The following MDM4 variants were observed in gnomAD, a reference collection of about 807,000 sequenced individuals.
The protein encoded by MDM4 is MDM4 regulator of p53, also known as protein Mdm4.
MDM4 carries 2 observed loss-of-function variants against 60.2 expected under a neutral mutation model. The ratio of observed to expected loss-of-function variants is 0.03; its 90% confidence interval spans 0.01 to 0.10. MDM4 has a LOEUF of 0.10. Ranked by LOEUF, MDM4 falls within the 10% of genes least tolerant of loss-of-function variation. The probability of loss-of-function intolerance (pLI) is 1.00; values close to 1 mark genes in which losing one functional copy is unlikely to be tolerated. For missense variants in MDM4, 447 were observed against 577.5 expected (o/e 0.77, Z 2.32); for synonymous variants, 202 against 198.1 (o/e 1.02, Z -0.17).
intron 1 of MDM4, among the ~76,000 whole-genome samples, chr1:204,524,753 G>C (rs993977416): frequency 2.6e-5 from 4 of 152,382 alleles, no homozygotes; most frequent in African/African-American, 9.6e-5. Context: ...CTTCAGCCTG[G>C]GGGACAGCGA....
At chr1:204,530,549 C>T in intron 3 of MDM4, 135 bp from the exon 4 acceptor site, 3 of 1,152,510 alleles carry the variant, frequency 2.6e-6, no homozygotes, top group Non-Finnish European at 1.2e-6. Flanking sequence ...TGTAGGACCC[C>T]TTACACAAAC....
At chr1:204,544,369 G>A (rs1031687067) in intron 8 of MDM4, among the ~76,000 whole-genome samples, 166 bp from the exon 9 acceptor site, 7 of 152,186 alleles carry the variant, frequency 4.6e-5, no homozygotes, top group African/African-American at 1.4e-4. Context: ...TCCACAGTAG[G>A]TGTCAAGTAG....
At chr1:204,543,977 A>G (rs1214987912) in intron 8 of MDM4, among the ~76,000 whole-genome samples, 1 of 152,234 alleles carries the variant, frequency 6.6e-6, no homozygotes, top group Non-Finnish European at 1.5e-5. Flanking sequence ...ATAGTGTGCA[A>G]AATAATAAAT....
At position 204,549,251 on chromosome 1, in the gene MDM4, G is replaced by A. The variant is rs1256184414; in HGVS notation, c.1042G>A (p.Ala348Thr). 3.1e-6 allele frequency: 5 copies of A among 1,614,016 alleles called. No homozygotes were observed. Among genetic ancestry groups the A allele is most frequent in the East Asian group, 2.2e-5 (1 of 44,896 alleles). Reference protein sequence around the residue: ...THSLSTSDITAIPEKENEGND... With the variant: ...THSLSTSDITTIPEKENEGND... ...TTCTCTCTCCACGTCTGATATCACT[G>A]CCATACCTGAAAAGGAAAATGAAGG... The change falls in exon 11 of 11, where the codon GCC becomes ACC. Residue 348 changes from alanine (A) to threonine (T), a missense_variant. This residue lies in a region of MDM4 where 117 missense variants were observed against 114.5 expected (regional missense o/e 1.02). Transcript: ENST00000367182.
rs529933347 is a variant in MDM4, at chr1:204,528,916, CCTT to C, written c.154-1765_154-1763del. Reference sequence around the variant, plus strand: ...CGAATGTTGCCTTGTACAGCTGTGTCCTTCTCCCGGAAGGCCTCTGTCGGCATC... The same window carrying C: ...CGAATGTTGCCTTGTACAGCTGTGTCCTCCCGGAAGGCCTCTGTCGGCATC... On this transcript the variant is annotated intron_variant, in intron 3 of 10. Coordinates refer to ENST00000367182, the MANE Select transcript of MDM4 (RefSeq NM_002393.5). 7.4e-3 allele frequency: 11,776 copies of C among 1,593,066 alleles called. 64 individuals are homozygous for C. Among genetic ancestry groups the C allele is most frequent in the Non-Finnish European group, 8.5e-3 (9,839 of 1,163,828 alleles).
chr1:204,530,864 G>A, intron 4 of MDM4, 47 bp downstream of exon 4: 2 of 1,611,964 alleles, frequency 1.2e-6, no homozygotes, highest in Non-Finnish European at 1.7e-6. Context: ...CTTATACCTA[G>A]CCACTTAATT....
intron 3 of MDM4, chr1:204,529,277 G>GCTTCACCTC: frequency 1.3e-6 from 1 of 741,070 alleles, no homozygotes; most frequent in East Asian, 2.5e-5. Context: ...ACCAGAGCCT[G>GCTTCACCTC]CTTCACCTCC....
chr1:204,535,992 T>G (rs1420240240), intron 5 of MDM4, among the ~76,000 whole-genome samples: 1 of 152,122 alleles, frequency 6.6e-6, no homozygotes, highest in East Asian at 1.9e-4. Flanking sequence ...GCCTGTGCGG[T>G]GGCTCATGCC....
At chr1:204,521,532 T>C (rs1659566530) in intron 1 of MDM4, among the ~76,000 whole-genome samples, 1 of 152,174 alleles carries the variant, frequency 6.6e-6, no homozygotes, top group Admixed American at 6.6e-5. Flanking sequence ...GCTGGGCAAC[T>C]GCACCTCCCT....
chr1:204,536,404 AT>A (rs1025479670), intron 5 of MDM4, among the ~76,000 whole-genome samples: 3 of 152,190 alleles, frequency 2.0e-5, no homozygotes, highest in Non-Finnish European at 2.9e-5. Flanking sequence ...TATAATTAGA[AT>A]TTTGAAAATG....
In MDM4 at chr1:204,549,542, C is replaced by A; in HGVS notation, c.1333C>A (p.Arg445=). Residue 445 remains arginine, a synonymous_variant, in exon 11 of 11, where the codon CGA becomes AGA. Coordinates refer to ENST00000367182, the MANE Select transcript of MDM4 (RefSeq NM_002393.5). The part of the protein sequence containing the change: ...KPCSLCEKRP[R]DGNIIHGRTG... The stretch of plus-strand genomic sequence containing the variant: ...ATGTAGCTTATGTGAGAAAAGACCA[C>A]GAGACGGGAACATTATTCATGGAAG... 6.2e-7 allele frequency: 1 copy of A among 1,613,584 alleles called. No homozygotes were observed. Among genetic ancestry groups the A allele is most frequent in the South Asian group, 1.1e-5 (1 of 90,942 alleles).
chr1:204,528,725 A>T (rs1362858121), intron 3 of MDM4: 1 of 674,464 alleles, frequency 1.5e-6, no homozygotes. Flanking sequence ...TGTTGCATCA[A>T]GCAAGGGAGA....
At chr1:204,530,839 G>T in intron 4 of MDM4, 22 bp downstream of exon 4, 1 of 1,614,072 alleles carries the variant, frequency 6.2e-7, no homozygotes, top group Non-Finnish European at 8.5e-7. Flanking sequence ...GAGGGCTTGC[G>T]TATCTTTTTG....
At chr1:204,547,189 C>G (rs988797154) in intron 10 of MDM4, among the ~76,000 whole-genome samples, 1 of 152,212 alleles carries the variant, frequency 6.6e-6, no homozygotes, top group African/African-American at 2.4e-5. Flanking sequence ...GCACTGCTTT[C>G]CCTGACTCAA....
intron 3 of MDM4, among the ~76,000 whole-genome samples, chr1:204,526,743 A>G (rs756945496): frequency 2.6e-5 from 4 of 152,132 alleles, no homozygotes; most frequent in Admixed American, 6.6e-5. Context: ...GATTACAGGC[A>G]TGAGCCACCG....
In MDM4 at chr1:204,526,451, A is replaced by C; in HGVS notation, c.153+17A>C. 1 of 1,571,084 alleles carries C rather than the reference A, an allele frequency of 6.4e-7. No individual in the cohort carries two copies. Among genetic ancestry groups the C allele is most frequent in the South Asian group, 1.2e-5 (1 of 84,706 alleles). Reference sequence around the variant, plus strand: ...GTTAAAGAGGTAAGCCATCAAATAAAATTCTCATTTTTTTTGTTTTTTTTT... The same window carrying C: ...GTTAAAGAGGTAAGCCATCAAATAACATTCTCATTTTTTTTGTTTTTTTTT... On this transcript the variant is annotated intron_variant, in intron 3 of 10. Coordinates refer to ENST00000367182, the MANE Select transcript of MDM4 (RefSeq NM_002393.5).
At position 204,556,004 on chromosome 1, in the gene MDM4, A is replaced by G. The variant is rs72753810; in HGVS notation, c.*6322A>G. The G allele has an allele frequency of 0.022, 4,796 of 213,538 alleles. 81 individuals are homozygous for G. Among genetic ancestry groups the G allele is most frequent in the Middle Eastern group, 0.036 (24 of 668 alleles). The allele number at this position is 213,538 out of a possible 1,614,324, so 13.2% of individuals were successfully genotyped here. ...CAGATAGTCCCCTGTCAACAGTAGC[A>G]AATGTGGTTTCATAAAGTGGGAAGA... On this transcript the variant is annotated 3_prime_UTR_variant, in exon 11 of 11. Transcript: ENST00000367182.
At chr1:204,536,988 A>G in intron 5 of MDM4, 1 of 364,308 alleles carries the variant, frequency 2.7e-6, no homozygotes, top group Non-Finnish European at 5.3e-6. Flanking sequence ...TCAAGATCCC[A>G]TAACCCTGTA....
At position 204,552,222 on chromosome 1, in the gene MDM4, G is replaced by A. The variant is rs548117788; in HGVS notation, c.*2540G>A. On this transcript the variant is annotated 3_prime_UTR_variant, in exon 11 of 11. Coordinates refer to ENST00000367182, the MANE Select transcript of MDM4 (RefSeq NM_002393.5). ...TGAGAGGGGGAGATTGCGGTGAGCT[G>A]AGATTGCGCCATTGCACCCCAGCCT... The A allele has an allele frequency of 6.6e-6, 1 of 151,532 alleles. No individual in the cohort carries two copies. The highest frequency in any genetic ancestry group is 6.6e-5 in the Admixed American group (1 of 15,220). The allele number at this position is 151,532 out of a possible 1,614,324, so 9.4% of individuals were successfully genotyped here.
Sources: gnomAD v4.1 joint callset for allele counts (sites outside exome capture counted in the v4.1 genomes callset) on GRCh38, gnomAD v4.1.1 for gene constraint, gnomAD v4.1.1 regional missense constraint, MANE v1.5 for transcripts, NCBI Gene and HGNC (gene_info 2026-07-23, HGNC 2026-07-21) for gene names.